RETREG1: variants seen among roughly 807,000 people sequenced by gnomAD.
The protein encoded by RETREG1 is family with sequence similarity 134 member B.
RETREG1 carries 44 observed loss-of-function variants against 54.8 expected under a neutral mutation model. The observed-to-expected ratio is 0.80, with a 90% CI of 0.63 to 1.03. The LOEUF is 1.03. Ranked by LOEUF, RETREG1 falls within the 50% of genes least tolerant of loss-of-function variation. The probability of loss-of-function intolerance (pLI) is 0.00; values close to 1 mark genes in which losing one functional copy is unlikely to be tolerated. For synonymous variants in RETREG1, 217 were observed against 238.5 expected (o/e 0.91, Z 0.83); for missense variants, 554 against 605.1 (o/e 0.92, Z 0.89).
rs1738437010 is a variant in RETREG1, at chr5:16,474,576, A to G, written c.*165T>C. 2.6e-6 allele frequency: 2 copies of G among 765,576 alleles called. No homozygotes were observed. Among genetic ancestry groups the G allele is most frequent in the Non-Finnish European group, 4.1e-6 (2 of 485,848 alleles). 47.4% of individuals were successfully genotyped at this position (765,576 alleles called of 1,614,324 possible). A position where few individuals can be genotyped will look rare whatever the true frequency, so the allele number is the denominator to read the frequency against. On this transcript the variant is annotated 3_prime_UTR_variant, in exon 9 of 9. Coordinates refer to ENST00000306320, the MANE Select transcript of RETREG1 (RefSeq NM_001034850.3). ...TCAGAAATATCAATCTATCAGTGTC[A>G]GCTGATATATATCCAATTAATTCAC... is the stretch of plus-strand genomic sequence containing the variant.
Position 16,478,104 on chromosome 5 carries a change from G to C in RETREG1, c.809-6C>G. 1 of 1,607,000 alleles carries C rather than the reference G, an allele frequency of 6.2e-7. No individual in the cohort carries two copies. Among genetic ancestry groups the C allele is most frequent in the Non-Finnish European group, 8.5e-7 (1 of 1,174,588 alleles). On this transcript the variant is annotated splice_polypyrimidine_tract_variant and splice_region_variant and intron_variant, in intron 6 of 8. Coordinates refer to ENST00000306320, the MANE Select transcript of RETREG1 (RefSeq NM_001034850.3). ...ACTTTTTTCTTTGTCTGCTTCTGTT[G>C]AGGAAAAAATTTGGAAGCTTTCAGT...
At chr5:16,525,914 G>C (rs554565975) in intron 3 of RETREG1, among the ~76,000 whole-genome samples, 1 of 152,328 alleles carries the variant, frequency 6.6e-6, no homozygotes, top group African/African-American at 2.4e-5. Context: ...GAAGTCTGCA[G>C]ACAGAATTCC....
chr5:16,502,165 A>G (rs1020396134), intron 3 of RETREG1, among the ~76,000 whole-genome samples: 5 of 151,182 alleles, frequency 3.3e-5, no homozygotes, highest in African/African-American at 1.2e-4. Context: ...TCAACATGTT[A>G]GCCAGGATGG....
chr5:16,607,283 G>A (rs545088453), intron 1 of RETREG1, among the ~76,000 whole-genome samples: 5 of 152,076 alleles, frequency 3.3e-5, no homozygotes, highest in East Asian at 1.9e-4. Flanking sequence ...CTGTTTGTCC[G>A]CTGTTATATC....
chr5:16,485,091 G>T (rs1175232944), intron 3 of RETREG1, among the ~76,000 whole-genome samples: 1 of 152,036 alleles, frequency 6.6e-6, no homozygotes, highest in Non-Finnish European at 1.5e-5. Flanking sequence ...TTGCACCAGA[G>T]AGCAAAAGCT....
intron 3 of RETREG1, among the ~76,000 whole-genome samples, chr5:16,525,277 CGCGGGGGG>C (rs879751525): frequency 0.16 from 19,458 of 119,456 alleles, 1,578 homozygotes; most frequent in South Asian, 0.32. Flanking sequence ...GGTGGATGTG[CGCGGGGGG>C]ACACTGTGCT....
intron 3 of RETREG1, among the ~76,000 whole-genome samples, chr5:16,483,720 G>A (rs1024977445): frequency 3.3e-5 from 5 of 152,060 alleles, no homozygotes; most frequent in Non-Finnish European, 5.9e-5. Flanking sequence ...GTGAGGCTTA[G>A]GGACATCTTT....
At chr5:16,525,482 A>C (rs1240906627) in intron 3 of RETREG1, among the ~76,000 whole-genome samples, 1 of 152,138 alleles carries the variant, frequency 6.6e-6, no homozygotes, top group Non-Finnish European at 1.5e-5. Flanking sequence ...GGTTCTTCAC[A>C]GTGAATGAAG....
intron 3 of RETREG1, among the ~76,000 whole-genome samples, chr5:16,486,957 T>C (rs1739044039): frequency 6.6e-6 from 1 of 152,136 alleles, no homozygotes; most frequent in South Asian, 2.1e-4. Flanking sequence ...AATGAAACTC[T>C]AGGTTTTCCC....
intron 1 of RETREG1, among the ~76,000 whole-genome samples, chr5:16,612,589 G>C (rs554238294): frequency 3.3e-5 from 5 of 152,194 alleles, no homozygotes; most frequent in Non-Finnish European, 7.3e-5. Context: ...AAATGAGTGA[G>C]ATAGTATTAT....
chr5:16,614,861 G>A (rs1383287181), intron 1 of RETREG1, among the ~76,000 whole-genome samples: 1 of 152,130 alleles, frequency 6.6e-6, no homozygotes, highest in Admixed American at 6.5e-5. Flanking sequence ...GAAATACTAG[G>A]AAAAGGAAGA....
chr5:16,522,266 G>A (rs917837865), intron 3 of RETREG1, among the ~76,000 whole-genome samples: 3 of 151,926 alleles, frequency 2.0e-5, no homozygotes, highest in African/African-American at 4.8e-5. Flanking sequence ...TGCTTCTTAG[G>A]AAGGGCGGAT....
intron 3 of RETREG1, among the ~76,000 whole-genome samples, chr5:16,506,295 G>T (rs560195641): frequency 9.8e-4 from 149 of 152,298 alleles, no homozygotes; most frequent in African/African-American, 3.4e-3. Context: ...AAAAGCCTCA[G>T]TGTGAGACTC....
chr5:16,606,148 C>T lies in RETREG1; in HGVS notation c.320+10504G>A, dbSNP rs1007597684. On this transcript the variant is annotated intron_variant, in intron 1 of 8. Transcript: ENST00000306320. Reference sequence around the variant, plus strand: ...GACAGGAAGAGAGTGTCCTCCCCTTCGGGTGTGATTGGAGACCACCAGGCC... The same window carrying T: ...GACAGGAAGAGAGTGTCCTCCCCTTTGGGTGTGATTGGAGACCACCAGGCC... Among the ~76,000 whole-genome samples the T allele has an allele frequency of 6.6e-5, 10 of 152,230 alleles. 1 individual carries two copies. The East Asian group carries it at 1.9e-3, about 29-fold the overall frequency.
intron 3 of RETREG1, among the ~76,000 whole-genome samples, chr5:16,523,157 T>C (rs1740590931): frequency 6.6e-6 from 1 of 152,230 alleles, no homozygotes; most frequent in South Asian, 2.1e-4. Flanking sequence ...TATTTTACAT[T>C]ACCATGGCGC....
rs563765819 is a variant in RETREG1 at position 16,473,794 on chromosome 5, A to G, written c.*947T>C. On this transcript the variant is annotated 3_prime_UTR_variant, in exon 9 of 9. Transcript: ENST00000306320. ...CCAAGCAAGTTCCTCTCCTCTATAC[A>G]GGCTAAGAAAACAGAGTTATTATAT... The G allele has an allele frequency of 6.6e-5, 10 of 152,304 alleles. No homozygotes were observed. The highest frequency in any genetic ancestry group is 1.2e-4 in the Non-Finnish European group (8 of 68,012). 9.4% of individuals were successfully genotyped at this position (152,304 alleles called of 1,614,324 possible).
chr5:16,484,545 C>G (rs1314497452), intron 3 of RETREG1, among the ~76,000 whole-genome samples: 2 of 152,170 alleles, frequency 1.3e-5, no homozygotes, highest in Non-Finnish European at 2.9e-5. Context: ...TGAGGCTGAT[C>G]TCTGGATTCA....
In RETREG1 at chr5:16,616,964, C is replaced by T. The variant is rs1316601007; in HGVS notation, c.8G>A (p.Ser3Asn). 1 of 1,430,850 alleles carries T rather than the reference C, an allele frequency of 7.0e-7. No individual in the cohort carries two copies. The highest frequency in any genetic ancestry group is 9.1e-7 in the Non-Finnish European group (1 of 1,094,674). 88.6% of individuals were successfully genotyped at this position (1,430,850 alleles called of 1,614,324 possible). Residue 3 changes from serine to asparagine, a missense_variant, in exon 1 of 9, where the codon AGC becomes AAC. Coordinates refer to ENST00000306320, the MANE Select transcript of RETREG1 (RefSeq NM_001034850.3). MA[S>N]PAPPEHAEEG... is the part of the protein sequence containing the mutation. ...CTCGGCGTGCTCCGGAGGCGCCGGG[C>T]TCGCCATCTTCAGCTGTGCTTCCAG...
intron 3 of RETREG1, chr5:16,508,828 T>C: frequency 7.0e-7 from 1 of 1,434,420 alleles, no homozygotes; most frequent in African/African-American, 1.4e-5. Flanking sequence ...CTCCCTTGAA[T>C]GAAGCTAGGA....
Sources: allele counts gnomAD v4.1 joint callset (sites outside exome capture counted in the v4.1 genomes callset), GRCh38; gene constraint gnomAD v4.1.1; transcripts MANE v1.5; gene names NCBI Gene and HGNC (gene_info 2026-07-23, HGNC 2026-07-21).